PLCG2: variants seen among roughly 807,000 people sequenced by gnomAD.
PLCG2 encodes the protein 1-phosphatidylinositol 4,5-bisphosphate phosphodiesterase gamma-2.
A neutral mutation model predicts 175.6 loss-of-function variants in PLCG2; 69 were observed. That is an observed-to-expected ratio of 0.39 (90% CI 0.32 to 0.48). The LOEUF (loss-of-function observed/expected upper bound fraction) is 0.48, where lower values mean the gene tolerates loss of function less well. Ranked by LOEUF, PLCG2 falls within the 20% of genes least tolerant of loss-of-function variation. The pLI is 0.91. For synonymous variants in PLCG2, 827 were observed against 624.0 expected (o/e 1.33, Z -4.85); for missense variants, 1,798 against 1,650.9 (o/e 1.09, Z -1.54).
At chr16:81,819,504 C>T (rs1375975742) in intron 2 of PLCG2, among the ~76,000 whole-genome samples, 1 of 152,174 alleles carries the variant, frequency 6.6e-6, no homozygotes, top group Non-Finnish European at 1.5e-5. Flanking sequence ...CACTGCTTTT[C>T]ACCCTGCCCT....
intron 2 of PLCG2, among the ~76,000 whole-genome samples, chr16:81,803,645 C>CG (rs1911856506): frequency 2.5e-5 from 1 of 39,802 alleles, no homozygotes; most frequent in African/African-American, 5.9e-5. Flanking sequence ...CCCTCCCTCC[C>CG]TCCCTCCCTC....
At chr16:81,787,677 GA>G (rs1177680974) in intron 2 of PLCG2, among the ~76,000 whole-genome samples, 1 of 151,850 alleles carries the variant, frequency 6.6e-6, no homozygotes, top group Non-Finnish European at 1.5e-5. Flanking sequence ...ATCAAAAGTA[GA>G]ACCTTTATAT....
chr16:81,872,636 G>A lies in PLCG2; in HGVS notation c.648+1701G>A, dbSNP rs1228653555. ...GTAGGTGGCACACATTCAATAAGTA[G>A]GGGCTGCTGTTGTTGCTGTCAGGAA... On this transcript the variant is annotated intron_variant, in intron 7 of 32. Coordinates refer to ENST00000564138, the MANE Select transcript of PLCG2 (RefSeq NM_002661.5). 4.6e-5 allele frequency among the ~76,000 whole-genome samples: 7 copies of A among 152,350 alleles called. No individual in the cohort carries two copies. The East Asian group carries it at 1.3e-3, about 29-fold the overall frequency.
chr16:81,858,294 C>T lies in PLCG2; in HGVS notation c.369C>T (p.Leu123=), dbSNP rs1906785632. 5.0e-6 allele frequency: 8 copies of T among 1,613,832 alleles called. No homozygotes were observed. Among genetic ancestry groups the T allele is most frequent in the Non-Finnish European group, 6.8e-6 (8 of 1,179,782 alleles). ...CTAAAGAGGATGCAGTTAACTGGCT[C>T]TCTGGCTTGAAAATCTTACACCAGG... ...ADSKEDAVNW[L]SGLKILHQEA... The change falls in exon 4 of 33, where the codon CTC becomes CTT. Residue 123 remains leucine, a synonymous_variant. Transcript: ENST00000564138.
At chr16:81,809,122 G>C (rs769080589) in intron 2 of PLCG2, among the ~76,000 whole-genome samples, 27 of 152,174 alleles carry the variant, frequency 1.8e-4, no homozygotes, top group Non-Finnish European at 1.2e-4. Flanking sequence ...TGGTGACTTG[G>C]ACTTGTTGCT....
chr16:81,935,662 G>A (rs1480527585), intron 26 of PLCG2: 1 of 985,198 alleles, frequency 1.0e-6, no homozygotes, highest in Non-Finnish European at 1.2e-6. Flanking sequence ...TCCCACCACA[G>A]CTGGATGGGA....
At chr16:81,894,452 C>T (rs1303709251) in intron 12 of PLCG2, among the ~76,000 whole-genome samples, 1 of 151,580 alleles carries the variant, frequency 6.6e-6, no homozygotes, top group Admixed American at 6.6e-5. Flanking sequence ...AAAGAAGGGT[C>T]AGGTGGCATC....
At chr16:81,907,816 A>G (rs1431096925) in intron 16 of PLCG2, 42 bp downstream of exon 16, 2 of 1,467,966 alleles carry the variant, frequency 1.4e-6, no homozygotes, top group Admixed American at 1.7e-5. Flanking sequence ...GGTCCCCAGG[A>G]ACCCCGAGGA....
intron 8 of PLCG2, 140 bp downstream of exon 8, chr16:81,881,093 C>A: frequency 1.3e-6 from 1 of 752,810 alleles, no homozygotes; most frequent in South Asian, 1.5e-5. Flanking sequence ...GGGGAATTGG[C>A]CATCCCATGC....
intron 31 of PLCG2, among the ~76,000 whole-genome samples, chr16:81,951,670 A>G (rs1911371673): frequency 6.6e-6 from 1 of 152,236 alleles, no homozygotes; most frequent in Non-Finnish European, 1.5e-5. Context: ...GTGAATATAG[A>G]TGTTAAACTT....
chr16:81,763,205 C>T (rs1198998515), intron 2 of PLCG2, among the ~76,000 whole-genome samples: 1 of 152,236 alleles, frequency 6.6e-6, no homozygotes, highest in Non-Finnish European at 1.5e-5. Flanking sequence ...AGCCTCTCCT[C>T]CACTGCCGCA....
At chr16:81,901,366 G>A (rs762239123) in intron 14 of PLCG2, among the ~76,000 whole-genome samples, 3 of 152,198 alleles carry the variant, frequency 2.0e-5, no homozygotes, top group Non-Finnish European at 4.4e-5. Context: ...AGGATAAAGA[G>A]ACCATATATG....
At chr16:81,880,881 C>CT (rs553916666) in intron 7 of PLCG2, 29 bp from the exon 8 acceptor site, 100 of 1,608,350 alleles carry the variant, frequency 6.2e-5, no homozygotes, top group African/African-American at 8.0e-5. Context: ...GTCTAAGGTT[C>CT]TTTTTTTTGT....
At chr16:81,848,692 T>C (rs1906248469) in intron 2 of PLCG2, among the ~76,000 whole-genome samples, 1 of 152,146 alleles carries the variant, frequency 6.6e-6, no homozygotes, top group Non-Finnish European at 1.5e-5. Context: ...CTTTCCTCTT[T>C]CCAAGAACTA....
chr16:81,869,114 C>G, intron 5 of PLCG2, 100 bp from the exon 6 acceptor site: 1 of 827,780 alleles, frequency 1.2e-6, no homozygotes, highest in South Asian at 1.4e-5. Context: ...ACCAGGCTCT[C>G]TCATAGAGGG....
At chr16:81,792,828 A>G (rs1012064975) in intron 2 of PLCG2, among the ~76,000 whole-genome samples, 1 of 152,142 alleles carries the variant, frequency 6.6e-6, no homozygotes, top group Admixed American at 6.5e-5. Context: ...TGGGAACGAC[A>G]ATTTAAGATG....
intron 31 of PLCG2, among the ~76,000 whole-genome samples, chr16:81,951,164 G>T (rs1471196306): frequency 6.6e-6 from 1 of 152,032 alleles, no homozygotes; most frequent in East Asian, 1.9e-4. Flanking sequence ...GTGTGTGTGT[G>T]GAGACAGGGC....
chr16:81,855,099 A>G (rs1364011608), intron 3 of PLCG2, among the ~76,000 whole-genome samples: 1 of 151,268 alleles, frequency 6.6e-6, no homozygotes, highest in East Asian at 1.9e-4. Flanking sequence ...AGTCACAGCT[A>G]TTTGAAAGGC....
intron 2 of PLCG2, among the ~76,000 whole-genome samples, chr16:81,772,987 G>T (rs963544276): frequency 3.9e-5 from 6 of 152,122 alleles, no homozygotes; most frequent in Admixed American, 3.9e-4. Flanking sequence ...TGCCCCTGCC[G>T]ACAGCTGCCC....
Sources: gnomAD v4.1 joint callset for allele counts (sites outside exome capture counted in the v4.1 genomes callset) on GRCh38, gnomAD v4.1.1 for gene constraint, MANE v1.5 for transcripts, NCBI Gene and HGNC (gene_info 2026-07-23, HGNC 2026-07-21) for gene names.